The following METTL2B variants were observed in gnomAD, a reference collection of about 807,000 sequenced individuals.
The protein encoded by METTL2B is methyltransferase 2B, tRNA N3-cytidine.
A neutral mutation model predicts 51.0 loss-of-function variants in METTL2B; 28 were observed. The ratio of observed to expected loss-of-function variants is 0.55; its 90% CI spans 0.41 to 0.75. The LOEUF (loss-of-function observed/expected upper bound fraction) is 0.75, where lower values mean the gene tolerates loss of function less well. METTL2B is among the 30% of genes least tolerant of loss of function. METTL2B has a pLI of 0.00. For missense variants in METTL2B, 313 were observed against 460.7 expected (o/e 0.68, Z 2.93); for synonymous variants, 128 against 166.3 (o/e 0.77, Z 1.77).
Position 128,488,152 on chromosome 7 carries a change from A to G in METTL2B, c.660A>G (p.Glu220=), listed in dbSNP as rs1325817084. ...YCCDFSSTAI[E]LVQTNSEYDP... is the part of the protein sequence containing the mutation. ...GTGATTTTTCTTCCACAGCTATAGA[A>G]CTGGTCCAGGTGAGTACGATGGGAA... is the stretch of plus-strand genomic sequence containing the variant. The change falls in exon 5 of 9, where the codon GAA becomes GAG. Residue 220 remains glutamate (E), a synonymous_variant. Transcript: ENST00000262432. 1.2e-6 allele frequency: 2 copies of G among 1,613,320 alleles called. No individual in the cohort carries two copies. The highest frequency in any genetic ancestry group is 2.2e-5 in the East Asian group (1 of 44,834).
rs529591282 is a variant in METTL2B at position 128,504,033 on chromosome 7, G to A, written c.*2117G>A. On this transcript the variant is annotated 3_prime_UTR_variant, in exon 9 of 9. Coordinates refer to ENST00000262432, the MANE Select transcript of METTL2B (RefSeq NM_018396.3). Reference sequence around the variant, plus strand: ...GATGCCTAGCTTTCACCTTGTTGATGTTTTTCTAAATTTTGGAATAATAAA... The same window carrying A: ...GATGCCTAGCTTTCACCTTGTTGATATTTTTCTAAATTTTGGAATAATAAA... The A allele has an allele frequency of 2.1e-4, 32 of 152,200 alleles. No individual in the cohort carries two copies. Among genetic ancestry groups the A allele is most frequent in the African/African-American group, 7.0e-4 (29 of 41,520 alleles). 9.4% of individuals were successfully genotyped at this position (152,200 alleles called of 1,614,324 possible).
Position 128,501,821 on chromosome 7 carries a change from C to T in METTL2B, c.1042C>T (p.Arg348Cys), listed in dbSNP as rs758775623. ...GLEKVQNLVD[R>C]RLQVNRGKQL... Reference sequence around the variant, plus strand: ...GGAAAAAGTTCAGAATCTGGTGGACCGCCGACTGCAGGTGAACCGAGGGAA... The same window carrying T: ...GGAAAAAGTTCAGAATCTGGTGGACTGCCGACTGCAGGTGAACCGAGGGAA... Residue 348 changes from arginine to cysteine, a missense_variant, in exon 9 of 9, where the codon CGC (arginine) becomes TGC (cysteine). Physicochemically the swap from Arg to Cys is radical, Grantham distance 180 (BLOSUM62 -3). Transcript: ENST00000262432. The T allele has an allele frequency of 2.0e-5, 33 of 1,614,176 alleles. No individual in the cohort carries two copies. The highest frequency in any genetic ancestry group is 4.4e-5 in the South Asian group (4 of 91,084).
chr7:128,482,995 T>A (rs1210305064), intron 4 of METTL2B: 1 of 152,362 alleles, frequency 6.6e-6, no homozygotes, highest in Non-Finnish European at 1.5e-5. Context: ...ATTACTAATA[T>A]ACATTTAAAT....
At chr7:128,479,073 A>G in intron 2 of METTL2B, 85 bp from the exon 3 acceptor site, 14 of 1,369,192 alleles carry the variant, frequency 1.0e-5, no homozygotes, top group African/African-American at 1.5e-5. Flanking sequence ...TTAAAGTGAC[A>G]TTTGGTAAAG....
In METTL2B at chr7:128,498,308, C is replaced by T. The variant is rs368767872; in HGVS notation, c.916+166C>T. Among the ~76,000 whole-genome samples, 9 of 93,056 alleles carry T rather than the reference C, an allele frequency of 9.7e-5. No individual in the cohort carries two copies. The East Asian group carries it at 1.4e-3, about 15-fold the overall frequency. The allele number at this position is 93,056 out of a possible 152,430, so 61.0% of individuals were successfully genotyped here. A position where few individuals can be genotyped will look rare whatever the true frequency, so the allele number is the denominator to read the frequency against. On this transcript the variant is annotated intron_variant, in intron 7 of 8. Transcript: ENST00000262432. ...GTTGAACAATGAGAACACATGGACG[C>T]GGGGTGGGGGGCATCACACACTGGG...
At chr7:128,478,983 A>AT (rs1387334818) in intron 2 of METTL2B, among the ~76,000 whole-genome samples, 175 bp from the exon 3 acceptor site, 1 of 152,218 alleles carries the variant, frequency 6.6e-6, no homozygotes, top group Non-Finnish European at 1.5e-5. Flanking sequence ...TTTGGGTATA[A>AT]TGCCAGATGG....
chr7:128,499,858 C>T (rs1792998140), intron 7 of METTL2B, among the ~76,000 whole-genome samples: 1 of 152,104 alleles, frequency 6.6e-6, no homozygotes, highest in South Asian at 2.1e-4. Flanking sequence ...TTGTTCAGTC[C>T]AGTCTTTTTT....
Position 128,505,092 on chromosome 7 carries a change from C to G in METTL2B, c.*3176C>G, listed in dbSNP as rs1215301398. The stretch of plus-strand genomic sequence containing the variant: ...AGCCTGGGCAACAAGAGTGAAACTC[C>G]GTCTCAAAAAAAAAAAAAAAAAAAA... On this transcript the variant is annotated 3_prime_UTR_variant, in exon 9 of 9. Coordinates refer to ENST00000262432, the MANE Select transcript of METTL2B (RefSeq NM_018396.3). 1.7e-5 allele frequency: 2 copies of G among 117,396 alleles called. No individual in the cohort carries two copies. The highest frequency in any genetic ancestry group is 1.0e-4 in the Admixed American group (1 of 9,754). The allele number at this position is 117,396 out of a possible 1,614,324, so 7.3% of individuals were successfully genotyped here. A position where few individuals can be genotyped will look rare whatever the true frequency, so the allele number is the denominator to read the frequency against.
intron 4 of METTL2B, among the ~76,000 whole-genome samples, chr7:128,485,394 C>T (rs1187594546): frequency 1.3e-5 from 2 of 152,108 alleles, no homozygotes; most frequent in East Asian, 1.9e-4. Flanking sequence ...CCTGGTGCTG[C>T]GGCTCACGCC....
At chr7:128,499,219 T>G (rs1584797816) in intron 7 of METTL2B, among the ~76,000 whole-genome samples, 1 of 152,240 alleles carries the variant, frequency 6.6e-6, no homozygotes, top group East Asian at 1.9e-4. Context: ...TTTAGTCAGT[T>G]CACAGAAGAA....
Position 128,476,818 on chromosome 7 carries a change from A to G in METTL2B, c.53A>G (p.Gln18Arg), listed in dbSNP as rs368817993. 128 of 1,614,158 alleles carry G rather than the reference A, an allele frequency of 7.9e-5. 1 individual carries two copies. Among genetic ancestry groups the G allele is most frequent in the South Asian group, 2.5e-4 (23 of 91,084 alleles). The change falls in exon 1 of 9, where the codon CAG (glutamine) becomes CGG (arginine). Residue 18 changes from glutamine (Q) to arginine (R), a missense_variant. Gln to Arg is a conservative substitution (Grantham distance 43). Coordinates refer to ENST00000262432, the MANE Select transcript of METTL2B (RefSeq NM_018396.3). ...CCTGCAATCCTCGCCGATAAGAGGCAGCAGTTCGGAAGCCGGTTCCTGAGC... is the reference window on the plus strand; with the variant it reads ...CCTGCAATCCTCGCCGATAAGAGGCGGCAGTTCGGAAGCCGGTTCCTGAGC... ...GAPAILADKRQQFGSRFLSDP... is the reference protein window; with the variant it reads ...GAPAILADKRRQFGSRFLSDP...
rs796850466 is a variant in METTL2B, at chr7:128,484,227, T to TGTTTTG, written c.608+3531_608+3532insGTTTTG. On this transcript the variant is annotated intron_variant, in intron 4 of 8. Coordinates refer to ENST00000262432, the MANE Select transcript of METTL2B (RefSeq NM_018396.3). The stretch of plus-strand genomic sequence containing the variant: ...CCTATTGCCTAGATCCTTTTTTTTT[T>TGTTTTG]TTTTTTTTTTTTTTTTTTGAGACAG... 83 of 86,750 alleles carry TGTTTTG rather than the reference T, an allele frequency of 9.6e-4. 4 individuals are homozygous for TGTTTTG. The highest frequency in any genetic ancestry group is 3.8e-3 in the African/African-American group (82 of 21,304). The allele number at this position is 86,750 out of a possible 1,614,324, so 5.4% of individuals were successfully genotyped here.
At position 128,482,597 on chromosome 7, in the gene METTL2B, A is replaced by C. The variant is rs1255315564; in HGVS notation, c.608+1901A>C. Among the ~76,000 whole-genome samples, 6 of 152,162 alleles carry C rather than the reference A, an allele frequency of 3.9e-5. No individual in the cohort carries two copies. In the East Asian group the frequency reaches 1.2e-3, roughly 29 times the overall value. ...TGCCCAGGCTGGAGTGCAGTGGCGT[A>C]ATCTTGGCTCACTGCAACCTCTGCC... On this transcript the variant is annotated intron_variant, in intron 4 of 8. Coordinates refer to ENST00000262432, the MANE Select transcript of METTL2B (RefSeq NM_018396.3).
At chr7:128,484,483 C>T (rs1218952977) in intron 4 of METTL2B, among the ~76,000 whole-genome samples, 1 of 151,964 alleles carries the variant, frequency 6.6e-6, no homozygotes, top group East Asian at 1.9e-4. Flanking sequence ...GCCTTAGGAT[C>T]ATTTCTCAGG....
Position 128,505,887 on chromosome 7 carries a change from A to G in METTL2B, c.*3971A>G, listed in dbSNP as rs1000068181. 1.3e-5 allele frequency: 2 copies of G among 152,236 alleles called. No homozygotes were observed. The highest frequency in any genetic ancestry group is 4.8e-5 in the African/African-American group (2 of 41,452). The allele number at this position is 152,236 out of a possible 1,614,324, so 9.4% of individuals were successfully genotyped here. On this transcript the variant is annotated 3_prime_UTR_variant, in exon 9 of 9. Coordinates refer to ENST00000262432, the MANE Select transcript of METTL2B (RefSeq NM_018396.3). ...ACCCAGGCTGGAGTGCAGCAGCACG[A>G]TCACTGCTTACTGCTTACTGCAGCC...
At chr7:128,501,642 A>G in intron 8 of METTL2B, 120 bp from the exon 9 acceptor site, 20 of 1,507,758 alleles carry the variant, frequency 1.3e-5, no homozygotes, top group Non-Finnish European at 1.8e-5. Context: ...TTTATAACCA[A>G]ATGGCCATGT....
At chr7:128,484,534 C>G (rs1360779159) in intron 4 of METTL2B, among the ~76,000 whole-genome samples, 1 of 151,994 alleles carries the variant, frequency 6.6e-6, no homozygotes, top group African/African-American at 2.4e-5. Context: ...TATATAACAG[C>G]TTTATTGAGA....
chr7:128,482,683 G>A (rs1435383258), intron 4 of METTL2B, among the ~76,000 whole-genome samples: 1 of 152,118 alleles, frequency 6.6e-6, no homozygotes, highest in Non-Finnish European at 1.5e-5. Flanking sequence ...ACAGGCATGC[G>A]CCACAATGCC....
intron 2 of METTL2B, among the ~76,000 whole-genome samples, chr7:128,478,375 C>T (rs1390362916): frequency 5.3e-5 from 8 of 151,440 alleles, no homozygotes; most frequent in Admixed American, 3.3e-4. Context: ...CTCAGCCTCC[C>T]GAGTAGCTGG....
Sources: allele counts gnomAD v4.1 joint callset (sites outside exome capture counted in the v4.1 genomes callset), GRCh38; gene constraint gnomAD v4.1.1; transcripts MANE v1.5; gene names NCBI Gene and HGNC (gene_info 2026-07-23, HGNC 2026-07-21).